RAD50: variants seen among roughly 807,000 people sequenced by gnomAD.
The protein encoded by RAD50 is RAD50 double strand break repair protein, also known as DNA repair protein RAD50.
RAD50 carries 132 observed loss-of-function variants against 168.8 expected under a neutral mutation model. That is an observed-to-expected ratio of 0.78 (90% CI 0.68 to 0.90). The LOEUF (loss-of-function observed/expected upper bound fraction) is 0.90, where lower values mean the gene tolerates loss of function less well. RAD50 is among the 40% of genes least tolerant of loss of function. RAD50 has a pLI of 0.00. For missense variants in RAD50, 1,347 were observed against 1,534.4 expected (o/e 0.88, Z 2.04); for synonymous variants, 525 against 497.4 (o/e 1.06, Z -0.74).
chr5:132,588,581 G>A lies in RAD50; in HGVS notation c.1052-106G>A, dbSNP rs892898528. 5.1e-6 allele frequency: 6 copies of A among 1,182,566 alleles called. No homozygotes were observed. In the African/African-American group the frequency reaches 9.4e-5, roughly 18 times the overall value. The allele number at this position is 1,182,566 out of a possible 1,614,324, so 73.3% of individuals were successfully genotyped here. A position where few individuals can be genotyped will look rare whatever the true frequency, so the allele number is the denominator to read the frequency against. On this transcript the variant is annotated intron_variant, in intron 7 of 24. Transcript: ENST00000378823. ...ATCATTGGGAGAAACTGGGCAAAATGTACAAGAGACACACTGCATTATTTT... is the reference window on the plus strand; with the variant it reads ...ATCATTGGGAGAAACTGGGCAAAATATACAAGAGACACACTGCATTATTTT...
chr5:132,637,321 A>G (rs1581020404), intron 22 of RAD50, 121 bp downstream of exon 22: 1 of 1,467,994 alleles, frequency 6.8e-7, no homozygotes, highest in Non-Finnish European at 9.2e-7. Context: ...TGTCTTTGAG[A>G]TTTTCTAAGA....
intron 2 of RAD50, among the ~76,000 whole-genome samples, chr5:132,561,175 G>C (rs897446311): frequency 6.6e-6 from 1 of 151,880 alleles, no homozygotes; most frequent in Non-Finnish European, 1.5e-5. Flanking sequence ...TTTAGTCTTT[G>C]TTGGGTCTAC....
intron 2 of RAD50, among the ~76,000 whole-genome samples, chr5:132,570,007 A>G (rs1398152911): frequency 1.3e-5 from 2 of 152,268 alleles, no homozygotes; most frequent in African/African-American, 2.4e-5. Context: ...ACCAATCAGT[A>G]TAATTTGCCA....
intron 23 of RAD50, 90 bp downstream of exon 23, chr5:132,638,313 CA>C: frequency 5.5e-6 from 8 of 1,462,040 alleles, no homozygotes; most frequent in Non-Finnish European, 6.6e-6. Flanking sequence ...CCCAAGGCTA[CA>C]CCTGAATGGT....
intron 21 of RAD50, among the ~76,000 whole-genome samples, chr5:132,625,187 C>T (rs971117165): frequency 6.7e-6 from 1 of 149,796 alleles, no homozygotes; most frequent in Non-Finnish European, 1.5e-5. Context: ...CCCGGGTTCA[C>T]GCCATTCTCC....
intron 24 of RAD50, 57 bp downstream of exon 24, chr5:132,640,862 T>C (rs1751706441): frequency 2.5e-6 from 4 of 1,609,536 alleles, no homozygotes; most frequent in Non-Finnish European, 3.4e-6. Flanking sequence ...TGGGGACAGG[T>C]TGTGATAGTT....
At chr5:132,639,744 C>T (rs1190630762) in intron 23 of RAD50, among the ~76,000 whole-genome samples, 2 of 152,170 alleles carry the variant, frequency 1.3e-5, no homozygotes, top group African/African-American at 4.8e-5. Context: ...AGCAGCCAGC[C>T]AGGGGCTCTG....
At chr5:132,606,020 G>A (rs1281361519) in intron 16 of RAD50, among the ~76,000 whole-genome samples, 1 of 152,122 alleles carries the variant, frequency 6.6e-6, no homozygotes, top group African/African-American at 2.4e-5. Context: ...GCCCACAAGA[G>A]AAAGCAGGAA....
intron 19 of RAD50, among the ~76,000 whole-genome samples, chr5:132,614,520 G>T (rs1751141262): frequency 6.6e-6 from 1 of 151,742 alleles, no homozygotes. Flanking sequence ...AACAGATACC[G>T]AAATCTAGGA....
At chr5:132,628,479 C>G (rs180986295) in intron 21 of RAD50, among the ~76,000 whole-genome samples, 104 of 152,188 alleles carry the variant, frequency 6.8e-4, no homozygotes, top group African/African-American at 2.4e-3. Context: ...TTGTTAATGA[C>G]TGAGGAGCAG....
At chr5:132,595,421 G>A (rs1007620075) in intron 12 of RAD50, 152 bp from the exon 13 acceptor site, 30 of 508,862 alleles carry the variant, frequency 5.9e-5, no homozygotes, top group South Asian at 1.8e-4. Flanking sequence ...AGCGAATATC[G>A]GAATTTTAAA....
intron 2 of RAD50, among the ~76,000 whole-genome samples, chr5:132,574,609 C>T (rs1367897963): frequency 6.6e-6 from 1 of 152,178 alleles, no homozygotes; most frequent in African/African-American, 2.4e-5. Flanking sequence ...AATTCCTCCT[C>T]AGAAAATGGG....
At chr5:132,562,574 A>G (rs1268402356) in intron 2 of RAD50, among the ~76,000 whole-genome samples, 1 of 152,092 alleles carries the variant, frequency 6.6e-6, no homozygotes, top group Non-Finnish European at 1.5e-5. Context: ...TAATAGGGGC[A>G]CTATGGAAAA....
At chr5:132,634,035 A>G (rs1660891207) in intron 21 of RAD50, among the ~76,000 whole-genome samples, 2 of 151,570 alleles carry the variant, frequency 1.3e-5, no homozygotes, top group Admixed American at 6.6e-5. Flanking sequence ...TTTAAAATTT[A>G]TTTTTTTTCT....
chr5:132,583,197 T>G (rs996066143), intron 5 of RAD50, among the ~76,000 whole-genome samples: 19 of 152,200 alleles, frequency 1.2e-4, no homozygotes, highest in African/African-American at 4.3e-4. Context: ...ATTGAATGTT[T>G]ACTGCCTAAC....
chr5:132,572,608 G>C (rs1159609073), intron 2 of RAD50, among the ~76,000 whole-genome samples: 2 of 152,086 alleles, frequency 1.3e-5, no homozygotes, highest in African/African-American at 4.8e-5. Context: ...TTGAATGTCT[G>C]TTCATTGTTG....
In RAD50 at chr5:132,588,108, T is replaced by C. The variant is rs755688295; in HGVS notation, c.1051+19T>C. On this transcript the variant is annotated intron_variant, in intron 7 of 24. Transcript: ENST00000378823. Reference sequence around the variant, plus strand: ...GAACAGGGTAGGACAAAATGTTTATTTGGTCGTTTTTCCTACTATGATGTT... The same window carrying C: ...GAACAGGGTAGGACAAAATGTTTATCTGGTCGTTTTTCCTACTATGATGTT... 2.5e-6 allele frequency: 4 copies of C among 1,600,880 alleles called. No individual in the cohort carries two copies. The highest frequency in any genetic ancestry group is 2.6e-6 in the Non-Finnish European group (3 of 1,168,386).
intron 21 of RAD50, among the ~76,000 whole-genome samples, chr5:132,632,271 T>A (rs1300260006): frequency 1.3e-5 from 2 of 152,254 alleles, no homozygotes; most frequent in Non-Finnish European, 2.9e-5. Flanking sequence ...ATATTTGGGC[T>A]TCCCCACGCT....
intron 8 of RAD50, among the ~76,000 whole-genome samples, chr5:132,589,179 T>TACA (rs1241046222): frequency 1.3e-5 from 2 of 152,226 alleles, no homozygotes; most frequent in Non-Finnish European, 2.9e-5. Flanking sequence ...ATGGTTTTGA[T>TACA]TGTTTTTAAA....
Sources: allele counts gnomAD v4.1 joint callset (sites outside exome capture counted in the v4.1 genomes callset), GRCh38; gene constraint gnomAD v4.1.1; transcripts MANE v1.5; gene names NCBI Gene and HGNC (gene_info 2026-07-23, HGNC 2026-07-21).